The following CLCF1 variants were observed in gnomAD, a reference collection of about 807,000 sequenced individuals.
CLCF1 encodes the protein cardiotrophin-like cytokine factor 1.
Under a neutral mutation model 21.2 loss-of-function variants are expected in CLCF1, and 10 were observed. That is an observed-to-expected ratio of 0.47 (90% CI 0.29 to 0.80). The LOEUF is 0.80. CLCF1 is among the 30% of genes least tolerant of loss of function. The pLI is 0.09. For synonymous variants in CLCF1, 115 were observed against 120.5 expected (o/e 0.95, Z 0.30); for missense variants, 240 against 293.4 (o/e 0.82, Z 1.33).
rs1209988862 is a variant in CLCF1 at position 67,372,616 on chromosome 11, C to CGGCGGGGGCGGGGGCGGG, written c.16+890_16+907dup. 5.3e-4 allele frequency among the ~76,000 whole-genome samples: 78 copies of CGGCGGGGGCGGGGGCGGG among 145,914 alleles called. No homozygotes were observed. Among genetic ancestry groups the CGGCGGGGGCGGGGGCGGG allele is most frequent in the East Asian group, 1.3e-3 (6 of 4,720 alleles). On this transcript the variant is annotated intron_variant, in intron 1 of 2. Transcript: ENST00000312438. The surrounding 1 kb of genome is among the most constrained non-coding windows in gnomAD (Gnocchi z 5.9). ...CTCCCGCCCGGTCGCTCCTTCCCCG[C>CGGCGGGGGCGGGGGCGGG]GGCGGGGGCGGGGGCGGGGGCGGGG...
chr11:67,373,577 C>T lies in CLCF1; in HGVS notation c.-38G>A. 1 of 1,352,144 alleles carries T rather than the reference C, an allele frequency of 7.4e-7. No individual in the cohort carries two copies. Among genetic ancestry groups the T allele is most frequent in the Non-Finnish European group, 9.5e-7 (1 of 1,051,132 alleles). The allele number at this position is 1,352,144 out of a possible 1,614,324, so 83.8% of individuals were successfully genotyped here. On this transcript the variant is annotated 5_prime_UTR_variant, in exon 1 of 3. Transcript: ENST00000312438. ...GGGCCGGCCGGGTGCGGCTCCTCTC[C>T]CGGAGGCTGGCGGAGTGGGAGGGCG...
chr11:67,364,915 C>G lies in CLCF1; in HGVS notation c.*221G>C. The stretch of plus-strand genomic sequence containing the variant: ...CCTCGAGCATGACTTCCTGTAGAAA[C>G]AGGACAGGACAGGGCCTACTGTACC... On this transcript the variant is annotated 3_prime_UTR_variant, in exon 3 of 3. Coordinates refer to ENST00000312438, the MANE Select transcript of CLCF1 (RefSeq NM_013246.3). The G allele has an allele frequency of 6.1e-6, 4 of 658,474 alleles. No homozygotes were observed. The highest frequency in any genetic ancestry group is 1.0e-5 in the Non-Finnish European group (4 of 398,628). The allele number at this position is 658,474 out of a possible 1,614,324, so 40.8% of individuals were successfully genotyped here.
Position 67,369,156 on chromosome 11 carries a change from G to A in CLCF1, c.17-1530C>T, listed in dbSNP as rs1590915906. ...GGGCTAATAACTAGGAAGGATGCAA[G>A]ACTCCATTTGTATAAAACATCTCTT... On this transcript the variant is annotated intron_variant, in intron 1 of 2. Transcript: ENST00000312438. The A allele has an allele frequency of 8.1e-6, 8 of 985,350 alleles. No homozygotes were observed. The South Asian group carries it at 2.8e-4, about 35-fold the overall frequency. The allele number at this position is 985,350 out of a possible 1,614,324, so 61.0% of individuals were successfully genotyped here.
At chr11:67,371,859 G>A (rs114930609) in intron 1 of CLCF1, among the ~76,000 whole-genome samples, 1,571 of 152,238 alleles carry the variant, frequency 0.01, 24 homozygotes, top group African/African-American at 0.034. Flanking sequence ...TGCAGGGGTG[G>A]TGTGCAGAAG....
In CLCF1 at chr11:67,367,508, G is replaced by A; in HGVS notation, c.135C>T (p.Asp45=). The A allele has an allele frequency of 6.2e-7, 1 of 1,614,244 alleles. No homozygotes were observed. The highest frequency in any genetic ancestry group is 8.5e-7 in the Non-Finnish European group (1 of 1,180,028). Residue 45 remains aspartate, a synonymous_variant, in exon 2 of 3, where the codon GAC becomes GAT. Transcript: ENST00000312438. ...GTTGGTGCTCCAGGTAGCGGGTGAG[G>A]TCATAGGTTTTCTGGATGGAGGGGC... ...GPGPSIQKTY[D]LTRYLEHQLR...
At chr11:67,368,902 TTTTTTTTTCC>T in intron 1 of CLCF1, 169 of 940,060 alleles carry the variant, frequency 1.8e-4, no homozygotes, top group Middle Eastern at 5.4e-4. Context: ...CCTATAGTTC[TTTTTTTTTCC>T]TTTTTTTTTT....
chr11:67,369,393 G>C, intron 1 of CLCF1: 1 of 985,372 alleles, frequency 1.0e-6, no homozygotes, highest in African/African-American at 1.7e-5. Context: ...TCCCTGGGGA[G>C]ACCAGCTCAC....
At chr11:67,369,773 G>A in intron 1 of CLCF1, 7 of 985,430 alleles carry the variant, frequency 7.1e-6, no homozygotes, top group Non-Finnish European at 7.2e-6. Context: ...CTCTGCCTTT[G>A]TCATGGCCAA....
chr11:67,369,182 A>G, intron 1 of CLCF1: 1 of 985,354 alleles, frequency 1.0e-6, no homozygotes, highest in African/African-American at 1.7e-5. Context: ...AACATCTCTT[A>G]TGGAGGACAG....
chr11:67,373,975 C>A (rs1030309460), upstream of CLCF1: 129 of 882,730 alleles, frequency 1.5e-4, 1 homozygote, highest in Middle Eastern at 1.1e-3. Context: ...GGGCTTCTCC[C>A]CAGGCGTTGG....
rs563290461 is a variant in CLCF1, at chr11:67,365,973, G to A, written c.184-343C>T. 3.7e-4 allele frequency among the ~76,000 whole-genome samples: 57 copies of A among 152,324 alleles called. No individual in the cohort carries two copies. The highest frequency in any genetic ancestry group is 1.3e-3 in the African/African-American group (54 of 41,580). On this transcript the variant is annotated intron_variant, in intron 2 of 2. Transcript: ENST00000312438. The surrounding 1 kb of genome is among the most constrained non-coding windows in gnomAD (Gnocchi z 5.0). The stretch of plus-strand genomic sequence containing the variant: ...GTGGGGGCAGGACAGAGAGGAAGAG[G>A]AGCCTGGAGGAGCTGGAGAGGTAGA...
intron 1 of CLCF1, chr11:67,369,036 T>A: frequency 1.0e-6 from 1 of 983,466 alleles, no homozygotes; most frequent in Non-Finnish European, 1.2e-6. Context: ...CTTAGATAGG[T>A]ATAACGCTTT....
In CLCF1 at chr11:67,365,315, G is replaced by T; in HGVS notation, c.499C>A (p.Pro167Thr). 2 of 1,613,842 alleles carry T rather than the reference G, an allele frequency of 1.2e-6. No individual in the cohort carries two copies. Among genetic ancestry groups the T allele is most frequent in the Non-Finnish European group, 1.7e-6 (2 of 1,180,034 alleles). ...TGGGCAGGGCCAGGAGTCCAAGTGG[G>T]TTCAGTCCCAGGCAGCGGCTGGGGC... ...PLPQPLPGTE[P>T]TWTPGPAHSD... The change falls in exon 3 of 3, where the codon CCC (proline) becomes ACC (threonine). Residue 167 changes from proline to threonine, a missense_variant. By Grantham distance (38) the Pro-to-Thr change is conservative. Coordinates refer to ENST00000312438, the MANE Select transcript of CLCF1 (RefSeq NM_013246.3). The surrounding 1 kb of genome is among the most constrained non-coding windows in gnomAD (Gnocchi z 5.0).
At chr11:67,371,159 G>T in intron 1 of CLCF1, 1 of 807,712 alleles carries the variant, frequency 1.2e-6, no homozygotes, top group Non-Finnish European at 1.5e-6. Flanking sequence ...CCCAGGCAAA[G>T]GCCCACAGAA....
chr11:67,370,374 C>A (rs2134893077), intron 1 of CLCF1: 2 of 984,352 alleles, frequency 2.0e-6, no homozygotes, highest in African/African-American at 3.5e-5. Flanking sequence ...TGTCCTAGGT[C>A]CCCCTCTCCC....
intron 2 of CLCF1, among the ~76,000 whole-genome samples, chr11:67,367,162 A>C (rs1862127280): frequency 6.6e-6 from 1 of 151,998 alleles, no homozygotes; most frequent in Non-Finnish European, 1.5e-5. Context: ...ACACGGTGTA[A>C]ACAGAGGAGA....
chr11:67,370,390 C>G (rs1862203591), intron 1 of CLCF1: 1 of 984,056 alleles, frequency 1.0e-6, no homozygotes. Context: ...CTCCCCCTCC[C>G]CACCAGTCCT....
chr11:67,366,834 T>C (rs1423693208), intron 2 of CLCF1, among the ~76,000 whole-genome samples: 1 of 152,050 alleles, frequency 6.6e-6, no homozygotes, highest in Non-Finnish European at 1.5e-5. Flanking sequence ...CGGTTCCCCA[T>C]GGTCCTCGGC....
chr11:67,368,287 C>G, intron 1 of CLCF1: 1 of 985,344 alleles, frequency 1.0e-6, no homozygotes, highest in South Asian at 4.7e-5. Flanking sequence ...AGATTTAGTG[C>G]TCACTCTCAG....
Sources: allele counts gnomAD v4.1 joint callset (sites outside exome capture counted in the v4.1 genomes callset), GRCh38; gene constraint gnomAD v4.1.1; non-coding constraint Gnocchi (gnomAD v3.1); transcripts MANE v1.5; gene names NCBI Gene and HGNC (gene_info 2026-07-23, HGNC 2026-07-21).